Variants in LIPA observed in about 807,000 individuals in gnomAD.
The protein encoded by LIPA is lysosomal acid lipase/cholesteryl ester hydrolase.
LIPA carries 26 observed loss-of-function variants against 40.6 expected under a neutral mutation model. That is an observed-to-expected ratio of 0.64 (90% CI 0.47 to 0.89). The LOEUF (loss-of-function observed/expected upper bound fraction) is 0.89, where lower values mean the gene tolerates loss of function less well. Ranked by LOEUF, LIPA falls within the 40% of genes least tolerant of loss-of-function variation. The pLI is 0.00. For missense variants in LIPA, 455 were observed against 479.6 expected, an observed-to-expected ratio of 0.95 and a Z score of 0.48; for synonymous variants, 188 against 168.4, an observed-to-expected ratio of 1.12 and a Z score of -0.90.
At chr10:89,284,064 G>A (rs1843328413) in intron 1 of LIPA, 1 of 152,172 alleles carries the variant, frequency 6.6e-6, no homozygotes, top group Non-Finnish European at 1.5e-5. Context: ...GGCGCTTCCA[G>A]ACTCATATCA....
chr10:89,376,805 G>T (rs1248234769), intron 2 of LIPA, among the ~76,000 whole-genome samples: 1 of 152,112 alleles, frequency 6.6e-6, no homozygotes, highest in Non-Finnish European at 1.5e-5. Context: ...AATCATTTCT[G>T]CTTCCTGACA....
chr10:89,271,484 G>A (rs190024849), intron 1 of LIPA, among the ~76,000 whole-genome samples: 21 of 152,294 alleles, frequency 1.4e-4, no homozygotes, highest in Admixed American at 3.9e-4. Context: ...GGTGATTATT[G>A]TTCTGATGGG....
intron 2 of LIPA, among the ~76,000 whole-genome samples, chr10:89,380,274 C>A (rs1046718901): frequency 6.6e-6 from 1 of 152,116 alleles, no homozygotes; most frequent in African/African-American, 2.4e-5. Flanking sequence ...GACAGAGGAG[C>A]AGATTGAGCT....
chr10:89,312,781 G>A (rs961663993), intron 1 of LIPA, among the ~76,000 whole-genome samples: 2 of 151,416 alleles, frequency 1.3e-5, no homozygotes, highest in Non-Finnish European at 2.9e-5. Flanking sequence ...TGCTCTCCAG[G>A]CTGGGTGACA....
chr10:89,395,490 T>C (rs928059756), intron 2 of LIPA, among the ~76,000 whole-genome samples: 2 of 152,170 alleles, frequency 1.3e-5, no homozygotes, highest in Non-Finnish European at 2.9e-5. Context: ...TTTTTTTCAA[T>C]TGCCTCCTTT....
At chr10:89,308,745 A>G (rs2133524347) in intron 1 of LIPA, 1 of 152,366 alleles carries the variant, frequency 6.6e-6, no homozygotes, top group East Asian at 1.9e-4. Flanking sequence ...AATTAAAACA[A>G]TACAAATTCA....
At chr10:89,242,273 T>C (rs1214618143) in intron 3 of LIPA, among the ~76,000 whole-genome samples, 2 of 152,208 alleles carry the variant, frequency 1.3e-5, no homozygotes, top group Non-Finnish European at 2.9e-5. Flanking sequence ...ATGCACATAC[T>C]GCACGAGTAG....
intron 1 of LIPA, among the ~76,000 whole-genome samples, chr10:89,276,687 CTAA>C (rs1843290920): frequency 6.6e-6 from 1 of 152,126 alleles, no homozygotes; most frequent in South Asian, 2.1e-4. Flanking sequence ...TAGGATCCAT[CTAA>C]TAATAATAAC....
chr10:89,366,513 A>C (rs528376121), intron 2 of LIPA, among the ~76,000 whole-genome samples: 1 of 152,348 alleles, frequency 6.6e-6, no homozygotes, highest in Non-Finnish European at 1.5e-5. Flanking sequence ...ACAAATTTAC[A>C]AGAAAAAAAC....
chr10:89,244,985 A>C (rs1051706077), intron 3 of LIPA, among the ~76,000 whole-genome samples: 39 of 152,244 alleles, frequency 2.6e-4, no homozygotes, highest in African/African-American at 9.2e-4. Flanking sequence ...TGTTAACAGA[A>C]GACTGAAATA....
chr10:89,218,139 T>C (rs1384779558), intron 8 of LIPA, among the ~76,000 whole-genome samples: 1 of 152,148 alleles, frequency 6.6e-6, no homozygotes, highest in African/African-American at 2.4e-5. Flanking sequence ...TAAAATGACA[T>C]TTAAAAATTA....
chr10:89,402,714 T>A, intron 2 of LIPA: 6 of 1,614,194 alleles, frequency 3.7e-6, no homozygotes, highest in Non-Finnish European at 5.1e-6. Context: ...TGAGGAAGGA[T>A]GGGCCTTGCT....
At chr10:89,332,430 T>A (rs1021081234) in intron 1 of LIPA, 6 of 1,369,538 alleles carry the variant, frequency 4.4e-6, no homozygotes, top group Middle Eastern at 1.9e-4. Context: ...TTCTCACAGA[T>A]TCTGTTTCAG....
chr10:89,254,754 C>G (rs901536913), upstream of LIPA, among the ~76,000 whole-genome samples: 4 of 152,124 alleles, frequency 2.6e-5, no homozygotes, highest in African/African-American at 9.7e-5. Context: ...TTAACAGCAC[C>G]CAAGTCACCA....
intron 1 of LIPA, among the ~76,000 whole-genome samples, chr10:89,329,614 C>G (rs186197460): frequency 2.0e-5 from 3 of 151,896 alleles, no homozygotes; most frequent in African/African-American, 7.3e-5. Context: ...CTCACTGGCA[C>G]GTGCCAGCTG....
intron 1 of LIPA, among the ~76,000 whole-genome samples, chr10:89,326,452 C>A (rs73368509): frequency 0.039 from 5,971 of 151,926 alleles, 386 homozygotes; most frequent in African/African-American, 0.13. Flanking sequence ...AGAGTAGTAG[C>A]GGGGGAAGTG....
At chr10:89,256,470 T>C (rs1330617268), upstream of LIPA, among the ~76,000 whole-genome samples, 1 of 152,224 alleles carries the variant, frequency 6.6e-6, no homozygotes, top group East Asian at 1.9e-4. Context: ...GAGTGTGTTG[T>C]ACTTGACATG....
At chr10:89,224,828 C>A (rs901961431) in intron 6 of LIPA, among the ~76,000 whole-genome samples, 1 of 152,212 alleles carries the variant, frequency 6.6e-6, no homozygotes, top group African/African-American at 2.4e-5. Context: ...CCCAGACTCT[C>A]CTTGCTCTCC....
chr10:89,234,394 G>C (rs1403014462), intron 3 of LIPA, among the ~76,000 whole-genome samples: 1 of 152,216 alleles, frequency 6.6e-6, no homozygotes, highest in South Asian at 2.1e-4. Flanking sequence ...AGTCTCTTCT[G>C]AGGAGGGAGA....
Sources: allele counts gnomAD v4.1 joint callset (sites outside exome capture counted in the v4.1 genomes callset), GRCh38; gene constraint gnomAD v4.1.1; transcripts MANE v1.5; gene names NCBI Gene and HGNC (gene_info 2026-07-23, HGNC 2026-07-21).